MINDY3: variants seen among roughly 807,000 people sequenced by gnomAD.
MINDY3 encodes the protein ubiquitin carboxyl-terminal hydrolase MINDY-3.
Under a neutral mutation model 69.2 loss-of-function variants are expected in MINDY3, and 38 were observed. The observed-to-expected ratio is 0.55, with a 90% CI of 0.42 to 0.72. The LOEUF (loss-of-function observed/expected upper bound fraction) is 0.72, where lower values mean the gene tolerates loss of function less well. Ranked by LOEUF, MINDY3 falls within the 30% of genes least tolerant of loss-of-function variation. The pLI is 0.00. For missense variants in MINDY3, 522 were observed against 519.0 expected (o/e 1.01, Z -0.06); for synonymous variants, 192 against 180.1 (o/e 1.07, Z -0.53).
intron 9 of MINDY3, among the ~76,000 whole-genome samples, chr10:15,820,407 C>A (rs1345590222): frequency 6.6e-6 from 1 of 152,142 alleles, no homozygotes; most frequent in Non-Finnish European, 1.5e-5. Context: ...TCTCCACCCC[C>A]TAGCCTCATA....
In MINDY3 at chr10:15,786,797, G is replaced by A. The variant is rs963638061; in HGVS notation, c.1029-149C>T. 7.6e-5 allele frequency: 45 copies of A among 593,760 alleles called. No individual in the cohort carries two copies. In the African/African-American group the frequency reaches 8.4e-4, roughly 11 times the overall value. The allele number at this position is 593,760 out of a possible 1,614,324, so 36.8% of individuals were successfully genotyped here. On this transcript the variant is annotated intron_variant, in intron 12 of 14. Coordinates refer to ENST00000277632, the MANE Select transcript of MINDY3 (RefSeq NM_024948.4). ...TTAGAACCTTAATGACAAATACACA[G>A]GAATGACATCTAATTTGCCAAACTT...
chr10:15,812,741 G>A (rs1441070101), intron 10 of MINDY3, among the ~76,000 whole-genome samples: 1 of 152,112 alleles, frequency 6.6e-6, no homozygotes, highest in East Asian at 1.9e-4. Context: ...CACTTATTAC[G>A]TGATGTGCAT....
chr10:15,857,937 T>G (rs1834812540), intron 1 of MINDY3: 1 of 984,946 alleles, frequency 1.0e-6, no homozygotes, highest in South Asian at 4.7e-5. Flanking sequence ...CTAATGAGAC[T>G]GCAGTTGTCA....
chr10:15,802,398 CCTT>C (rs1384476941), intron 10 of MINDY3, among the ~76,000 whole-genome samples: 1 of 152,090 alleles, frequency 6.6e-6, no homozygotes, highest in Non-Finnish European at 1.5e-5. Context: ...GAAGCAAGCA[CCTT>C]CTTCACAAGG....
chr10:15,821,376 A>C (rs1301646703), intron 9 of MINDY3, among the ~76,000 whole-genome samples: 1 of 152,204 alleles, frequency 6.6e-6, no homozygotes, highest in Non-Finnish European at 1.5e-5. Flanking sequence ...ATTCATATTC[A>C]ATAATAGATG....
At chr10:15,837,082 G>GAATAAAATCTAAGAA in intron 6 of MINDY3, 122 bp downstream of exon 6, 1 of 588,944 alleles carries the variant, frequency 1.7e-6, no homozygotes, top group African/African-American at 2.0e-5. Flanking sequence ...CATTTTCAAC[G>GAATAAAATCTAAGAA]TAAAAGATTT....
At chr10:15,837,642 A>C in intron 5 of MINDY3, 2 of 1,239,636 alleles carry the variant, frequency 1.6e-6, no homozygotes, top group Non-Finnish European at 2.1e-6. Context: ...TTCTTGTAAG[A>C]GGGGGTAAAC....
chr10:15,809,110 G>A (rs1478730062), intron 10 of MINDY3, among the ~76,000 whole-genome samples: 1 of 152,068 alleles, frequency 6.6e-6, no homozygotes, highest in Non-Finnish European at 1.5e-5. Flanking sequence ...GGGAAATTAA[G>A]AAAGTGACCC....
Position 15,841,533 on chromosome 10 carries a change from T to C in MINDY3, c.302A>G (p.His101Arg). 6.2e-7 allele frequency: 1 copy of C among 1,611,498 alleles called. No individual in the cohort carries two copies. The highest frequency in any genetic ancestry group is 8.5e-7 in the Non-Finnish European group (1 of 1,178,368). ...CDILESACCDHSGSYCLVSWL... is the reference protein window; with the variant it reads ...CDILESACCDRSGSYCLVSWL... The stretch of plus-strand genomic sequence containing the variant: ...TGAAACCAAGCAGTATGATCCAGAG[T>C]GGTCACAACAAGCACTTTCTAAAAT... Residue 101 changes from histidine (H) to arginine (R), a missense_variant, in exon 4 of 15, where the codon CAC becomes CGC. By Grantham distance (29) the His-to-Arg change is conservative. Coordinates refer to ENST00000277632, the MANE Select transcript of MINDY3 (RefSeq NM_024948.4).
chr10:15,833,642 A>G lies in MINDY3; in HGVS notation c.718T>C (p.Cys240Arg). ...VSNVWDGDRE[C>R]SGMKLLGIHE... The stretch of plus-strand genomic sequence containing the variant: ...GGAATATACTTACTCATTCCTGAGC[A>G]CTCTCTATCACCATCCCATACATTA... Residue 240 changes from cysteine to arginine, a missense_variant, in exon 8 of 15, where the codon TGC (cysteine) becomes CGC (arginine). Physicochemically the swap from Cys to Arg is radical, Grantham distance 180. Transcript: ENST00000277632. The G allele has an allele frequency of 6.2e-7, 1 of 1,601,498 alleles. No individual in the cohort carries two copies. The highest frequency in any genetic ancestry group is 8.6e-7 in the Non-Finnish European group (1 of 1,168,942).
At chr10:15,822,663 G>A (rs1839849106) in intron 8 of MINDY3, among the ~76,000 whole-genome samples, 1 of 152,130 alleles carries the variant, frequency 6.6e-6, no homozygotes, top group East Asian at 1.9e-4. Flanking sequence ...CTGGGATTGA[G>A]GTACCTTTAC....
At position 15,821,712 on chromosome 10, in the gene MINDY3, G is replaced by T; in HGVS notation, c.745C>A (p.His249Asn). ...AAAAATCCTACTGCTGCTTGTTCAT[G>T]TATACCAAGAAGTTCTGCAAAAAAC... ...ECSGMKLLGI[H>N]EQAAVGFLTL... Residue 249 changes from histidine to asparagine, a missense_variant, in exon 9 of 15, where the codon CAT becomes AAT. Coordinates refer to ENST00000277632, the MANE Select transcript of MINDY3 (RefSeq NM_024948.4). 1.9e-6 allele frequency: 3 copies of T among 1,612,014 alleles called. No individual in the cohort carries two copies. The highest frequency in any genetic ancestry group is 2.5e-6 in the Non-Finnish European group (3 of 1,179,232).
chr10:15,834,536 T>C lies in MINDY3; in HGVS notation c.650+7A>G. 1.2e-6 allele frequency: 2 copies of C among 1,600,914 alleles called. No individual in the cohort carries two copies. The highest frequency in any genetic ancestry group is 1.7e-6 in the Non-Finnish European group (2 of 1,171,772). On this transcript the variant is annotated splice_region_variant and intron_variant, in intron 7 of 14. Coordinates refer to ENST00000277632, the MANE Select transcript of MINDY3 (RefSeq NM_024948.4). ...ACATGAGGAGACAAGAGATTTTAGT[T>C]AATTACCTGCCATGTCCATATACAG...
At chr10:15,850,986 C>T (rs1239400009) in intron 1 of MINDY3, among the ~76,000 whole-genome samples, 2 of 152,128 alleles carry the variant, frequency 1.3e-5, no homozygotes, top group Non-Finnish European at 2.9e-5. Flanking sequence ...CTGGTTCCCC[C>T]GATAAGTGAA....
chr10:15,800,293 T>C (rs1312733865), intron 10 of MINDY3, among the ~76,000 whole-genome samples: 1 of 152,078 alleles, frequency 6.6e-6, no homozygotes, highest in Non-Finnish European at 1.5e-5. Context: ...AACAGGGGCA[T>C]ACGGACTGTA....
At chr10:15,824,797 C>T (rs956744876) in intron 8 of MINDY3, among the ~76,000 whole-genome samples, 1 of 152,166 alleles carries the variant, frequency 6.6e-6, no homozygotes, top group Middle Eastern at 3.2e-3. Flanking sequence ...TTACTAAATA[C>T]AGCAAACTAG....
At chr10:15,829,987 C>T (rs893588169) in intron 8 of MINDY3, among the ~76,000 whole-genome samples, 1 of 152,126 alleles carries the variant, frequency 6.6e-6, no homozygotes, top group African/African-American at 2.4e-5. Flanking sequence ...CCTGCGGTAC[C>T]ACTTGGCCTC....
intron 1 of MINDY3, among the ~76,000 whole-genome samples, chr10:15,848,658 AAAAAGAAAG>A (rs1409679556): frequency 1.7e-4 from 22 of 125,966 alleles, no homozygotes; most frequent in African/African-American, 5.5e-4. Context: ...AAAAAAAAAA[AAAAAGAAAG>A]AAAAATTAAA....
At chr10:15,827,028 G>C (rs1840127718) in intron 8 of MINDY3, among the ~76,000 whole-genome samples, 1 of 151,906 alleles carries the variant, frequency 6.6e-6, no homozygotes, top group Non-Finnish European at 1.5e-5. Context: ...ACTGAGGCAA[G>C]AGGACCACTG....
Sources: allele counts gnomAD v4.1 joint callset (sites outside exome capture counted in the v4.1 genomes callset), GRCh38; gene constraint gnomAD v4.1.1; transcripts MANE v1.5; gene names NCBI Gene and HGNC (gene_info 2026-07-23, HGNC 2026-07-21).